The following KLHL7 variants were observed in gnomAD, a reference collection of about 807,000 sequenced individuals.
KLHL7 encodes kelch like family member 7.
A neutral mutation model predicts 67.4 loss-of-function variants in KLHL7; 44 were observed. The observed-to-expected ratio is 0.65, with a 90% confidence interval of 0.51 to 0.84. KLHL7 has a LOEUF of 0.84. Among genes scored for constraint, KLHL7 ranks in the 40% least tolerant of loss-of-function variants. The pLI is 0.00. For missense variants in KLHL7, 362 were observed against 718.1 expected (o/e 0.50, Z 5.67); for synonymous variants, 252 against 243.3 (o/e 1.04, Z -0.33).
At position 23,108,358 on chromosome 7, in the gene KLHL7, T is replaced by A. The variant is rs537058409; in HGVS notation, c.120+2212T>A. ...ATTCTGCAGAGCCAGCAGCCTCGGC[T>A]TCTTCTAAAGCCTTTTCCTACATTG... On this transcript the variant is annotated intron_variant, in intron 1 of 10. Transcript: ENST00000339077. Among the ~76,000 whole-genome samples, 52 of 152,352 alleles carry A rather than the reference T, an allele frequency of 3.4e-4. 1 individual carries two copies. Among genetic ancestry groups the A allele is most frequent in the African/African-American group, 1.2e-3 (51 of 41,568 alleles).
intron 7 of KLHL7, among the ~76,000 whole-genome samples, chr7:23,157,205 T>C (rs1329900853): frequency 3.9e-5 from 6 of 152,154 alleles, no homozygotes; most frequent in Non-Finnish European, 8.8e-5. Flanking sequence ...ATCAGTAGCG[T>C]TTGTCACCAG....
rs1785310318 is a variant in KLHL7 at position 23,177,118 on chromosome 7, C to T, written c.*2820C>T. The T allele has an allele frequency of 6.6e-6, 1 of 152,142 alleles. No individual in the cohort carries two copies. Among genetic ancestry groups the T allele is most frequent in the South Asian group, 2.1e-4 (1 of 4,832 alleles). 9.4% of individuals were successfully genotyped at this position (152,142 alleles called of 1,614,324 possible). On this transcript the variant is annotated 3_prime_UTR_variant, in exon 11 of 11. Coordinates refer to ENST00000339077, the MANE Select transcript of KLHL7 (RefSeq NM_001031710.3). ...GACATGAATTTGGGGAGATGCTGTT[C>T]AACACAGAAAACCTCCCAAACACCA... is the stretch of plus-strand genomic sequence containing the variant.
chr7:23,114,533 A>T (rs1783006253), intron 1 of KLHL7, among the ~76,000 whole-genome samples: 1 of 152,194 alleles, frequency 6.6e-6, no homozygotes, highest in Non-Finnish European at 1.5e-5. Flanking sequence ...AGCACAAAGT[A>T]GCTGGACCAA....
intron 8 of KLHL7, 141 bp from the exon 9 acceptor site, chr7:23,167,695 C>G: frequency 1.4e-6 from 1 of 713,298 alleles, no homozygotes; most frequent in Non-Finnish European, 2.4e-6. Flanking sequence ...TATTCCTACA[C>G]TTTGTTGTTG....
At chr7:23,165,995 G>A (rs1423303303) in intron 8 of KLHL7, 57 bp downstream of exon 8, 1 of 1,583,838 alleles carries the variant, frequency 6.3e-7, no homozygotes. Context: ...CAAGTATCTT[G>A]GCTTTCATAT....
intron 8 of KLHL7, 131 bp downstream of exon 8, chr7:23,166,069 A>C: frequency 9.3e-7 from 1 of 1,077,610 alleles, no homozygotes. Flanking sequence ...TGTGTTTGTC[A>C]CATTTTAGAG....
chr7:23,107,265 T>G (rs754079683), intron 1 of KLHL7, among the ~76,000 whole-genome samples: 28 of 152,254 alleles, frequency 1.8e-4, no homozygotes, highest in Non-Finnish European at 3.8e-4. Context: ...AATTCGTTAA[T>G]TTATGTAACT....
chr7:23,146,668 T>TC (rs1554290060), intron 6 of KLHL7, among the ~76,000 whole-genome samples: 59 of 128,254 alleles, frequency 4.6e-4, no homozygotes, highest in East Asian at 2.2e-3. Context: ...TTCTTCTTCT[T>TC]TTTTTTTTAA....
In KLHL7 at chr7:23,106,056, CAAG is replaced by C. The variant is rs1354798545; in HGVS notation, c.38_40del (p.Lys13del). On this transcript the variant is annotated inframe_deletion, in exon 1 of 11. Coordinates refer to ENST00000339077, the MANE Select transcript of KLHL7 (RefSeq NM_001031710.3). ...CAGCCTCTGGGGTGGAGAAGAGCAG[CAAG>C]AAGAAGACCGAGAAGAAACTTGCTG... 9.3e-6 allele frequency: 15 copies of C among 1,610,040 alleles called. No homozygotes were observed. Among genetic ancestry groups the C allele is most frequent in the Non-Finnish European group, 1.3e-5 (15 of 1,178,636 alleles).
intron 4 of KLHL7, among the ~76,000 whole-genome samples, chr7:23,137,019 T>C (rs1393326344): frequency 1.3e-5 from 2 of 152,224 alleles, no homozygotes; most frequent in Non-Finnish European, 2.9e-5. Context: ...GTGCAGTGTC[T>C]CACACCTGTA....
intron 1 of KLHL7, among the ~76,000 whole-genome samples, chr7:23,111,865 A>G (rs56298786): frequency 1.7e-3 from 258 of 149,624 alleles, no homozygotes; most frequent in African/African-American, 6.0e-3. Context: ...GCTTTGTGGT[A>G]AATGAATTAA....
chr7:23,145,201 G>A (rs1784317705), intron 6 of KLHL7, among the ~76,000 whole-genome samples: 1 of 151,202 alleles, frequency 6.6e-6, no homozygotes, highest in African/African-American at 2.4e-5. Context: ...ATTTTGAGAA[G>A]TCTAGTGCCA....
intron 1 of KLHL7, among the ~76,000 whole-genome samples, chr7:23,113,817 ACT>A (rs753333894): frequency 1.3e-5 from 2 of 151,738 alleles, no homozygotes; most frequent in African/African-American, 2.4e-5. Flanking sequence ...CAAGAGCGAA[ACT>A]CTGTCTCAAA....
chr7:23,173,971 G>C, intron 10 of KLHL7, 44 bp from the exon 11 acceptor site: 1 of 1,578,908 alleles, frequency 6.3e-7, no homozygotes, highest in South Asian at 1.1e-5. Flanking sequence ...CCTTAGAATT[G>C]TTGATATAGT....
At chr7:23,147,094 CTT>C (rs397889904) in intron 6 of KLHL7, among the ~76,000 whole-genome samples, 10 of 118,542 alleles carry the variant, frequency 8.4e-5, no homozygotes, top group East Asian at 2.4e-4. Context: ...TTAACCTGGA[CTT>C]TTTTTTTTTT....
intron 7 of KLHL7, among the ~76,000 whole-genome samples, chr7:23,164,738 G>T (rs943077414): frequency 6.6e-6 from 1 of 152,158 alleles, no homozygotes; most frequent in Non-Finnish European, 1.5e-5. Flanking sequence ...CTGATGTTCT[G>T]TGATACTTTA....
intron 4 of KLHL7, among the ~76,000 whole-genome samples, chr7:23,127,359 G>T (rs993976113): frequency 1.3e-5 from 2 of 152,144 alleles, no homozygotes; most frequent in African/African-American, 4.8e-5. Flanking sequence ...AAAGCTGGGA[G>T]GAAGGACAGC....
chr7:23,147,811 T>A (rs1020479269), intron 6 of KLHL7, among the ~76,000 whole-genome samples: 28 of 152,242 alleles, frequency 1.8e-4, no homozygotes, highest in African/African-American at 6.3e-4. Flanking sequence ...CGAACCTGCA[T>A]GAGGGTAAGA....
At chr7:23,131,073 T>C (rs1226441841) in intron 4 of KLHL7, among the ~76,000 whole-genome samples, 1 of 152,184 alleles carries the variant, frequency 6.6e-6, no homozygotes, top group Non-Finnish European at 1.5e-5. Flanking sequence ...TGCTGGTGAG[T>C]GTCATCTGAG....
Sources: gnomAD v4.1 joint callset for allele counts (sites outside exome capture counted in the v4.1 genomes callset) on GRCh38, gnomAD v4.1.1 for gene constraint, MANE v1.5 for transcripts, NCBI Gene and HGNC (gene_info 2026-07-23, HGNC 2026-07-21) for gene names.